Variants in PACSIN2 observed in about 807,000 individuals in gnomAD.
The protein encoded by PACSIN2 is protein kinase C and casein kinase substrate in neurons protein 2.
In PACSIN2, 25 loss-of-function variants were observed where a neutral mutation model predicts 63.8. The observed-to-expected ratio is 0.39, with a 90% confidence interval of 0.29 to 0.55. The LOEUF (loss-of-function observed/expected upper bound fraction) is 0.55. Among genes scored for constraint, PACSIN2 ranks in the 20% least tolerant of loss-of-function variants. The pLI is 0.62. For missense variants in PACSIN2, 518 were observed against 646.9 expected, an observed-to-expected ratio of 0.80 and a Z score of 2.16; for synonymous variants, 255 against 256.2, an observed-to-expected ratio of 1.00 and a Z score of 0.05.
intron 3 of PACSIN2, among the ~76,000 whole-genome samples, chr22:42,891,520 C>G (rs549124557): frequency 3.9e-5 from 6 of 152,164 alleles, no homozygotes; most frequent in Non-Finnish European, 8.8e-5. Context: ...CCTGCCTCAG[C>G]CTCCCGAGTA....
intron 1 of PACSIN2, among the ~76,000 whole-genome samples, chr22:42,979,546 G>GAAAGA (rs998223003): frequency 2.2e-5 from 3 of 135,090 alleles, no homozygotes; most frequent in Non-Finnish European, 4.7e-5. Context: ...AAAAAAAAAG[G>GAAAGA]AAAGAAAAGA....
In PACSIN2 at chr22:42,912,046, TCTACTC is replaced by T; in HGVS notation, c.29_34del (p.Gly10_Val11del). 1 of 1,605,836 alleles carries T rather than the reference TCTACTC, an allele frequency of 6.2e-7. No homozygotes were observed. Among genetic ancestry groups the T allele is most frequent in the African/African-American group, 1.3e-5 (1 of 74,572 alleles). The stretch of plus-strand genomic sequence containing the variant: ...CTCCCAGAAGCTGTCGCTGGACACT[TCTACTC>T]CAACGGAATCATCATATGTGACAGA... On this transcript the variant is annotated inframe_deletion, in exon 2 of 11. Coordinates refer to ENST00000263246, the MANE Select transcript of PACSIN2 (RefSeq NM_001184970.3).
intron 1 of PACSIN2, among the ~76,000 whole-genome samples, chr22:42,928,374 G>T (rs1208999288): frequency 6.6e-6 from 1 of 152,216 alleles, no homozygotes; most frequent in African/African-American, 2.4e-5. Flanking sequence ...AAGAAAAGAA[G>T]GTGTTCACAT....
intron 1 of PACSIN2, among the ~76,000 whole-genome samples, chr22:42,943,734 A>G (rs1209773918): frequency 1.3e-5 from 2 of 152,216 alleles, no homozygotes; most frequent in African/African-American, 4.8e-5. Flanking sequence ...TAAGGAGCCA[A>G]ATAAAATCCA....
intron 1 of PACSIN2, among the ~76,000 whole-genome samples, chr22:42,951,482 C>T (rs1019629995): frequency 3.9e-5 from 6 of 152,270 alleles, no homozygotes; most frequent in South Asian, 2.1e-4. Context: ...CGGCATGGCC[C>T]GAGCTGCTGG....
chr22:42,926,920 C>T (rs1932575157), intron 1 of PACSIN2, among the ~76,000 whole-genome samples: 1 of 152,148 alleles, frequency 6.6e-6, no homozygotes, highest in African/African-American at 2.4e-5. Flanking sequence ...CTTCTGCTTA[C>T]CACACCTGGC....
intron 2 of PACSIN2, among the ~76,000 whole-genome samples, chr22:42,895,758 G>T (rs1930233412): frequency 6.6e-6 from 1 of 152,252 alleles, no homozygotes; most frequent in South Asian, 2.1e-4. Flanking sequence ...TGTGACCACT[G>T]CTGGGGACAA....
intron 1 of PACSIN2, among the ~76,000 whole-genome samples, chr22:42,967,155 G>T (rs1172973580): frequency 2.6e-5 from 4 of 152,124 alleles, no homozygotes; most frequent in Admixed American, 1.3e-4. Flanking sequence ...GGGACAGGGG[G>T]CCAGGAAGAG....
At chr22:42,937,093 G>C (rs1458592982) in intron 1 of PACSIN2, among the ~76,000 whole-genome samples, 1 of 152,206 alleles carries the variant, frequency 6.6e-6, no homozygotes, top group African/African-American at 2.4e-5. Context: ...GGAGAGAACA[G>C]ACCAAAACTC....
intron 2 of PACSIN2, among the ~76,000 whole-genome samples, chr22:42,905,236 G>C (rs1021906801): frequency 1.3e-5 from 2 of 152,216 alleles, no homozygotes; most frequent in African/African-American, 4.8e-5. Context: ...ATTCACACGG[G>C]GGGAAGACAG....
chr22:42,945,749 GCCT>G (rs1425566233), intron 1 of PACSIN2: 8 of 152,418 alleles, frequency 5.2e-5, no homozygotes, highest in African/African-American at 1.9e-4. Context: ...GGCCACCATT[GCCT>G]CCTGCCTAAT....
intron 1 of PACSIN2, among the ~76,000 whole-genome samples, chr22:42,928,310 G>A (rs905399383): frequency 1.3e-5 from 2 of 152,206 alleles, no homozygotes; most frequent in Admixed American, 1.3e-4. Flanking sequence ...TGCTGTAGGC[G>A]ATGAAATATC....
rs1196055768 is a variant in PACSIN2 at position 42,870,562 on chromosome 22, C to T, written c.*795G>A. 1 of 152,162 alleles carries T rather than the reference C, an allele frequency of 6.6e-6. No individual in the cohort carries two copies. Among genetic ancestry groups the T allele is most frequent in the Non-Finnish European group, 1.5e-5 (1 of 68,024 alleles). The allele number at this position is 152,162 out of a possible 1,614,324, so 9.4% of individuals were successfully genotyped here. On this transcript the variant is annotated 3_prime_UTR_variant, in exon 11 of 11. Coordinates refer to ENST00000263246, the MANE Select transcript of PACSIN2 (RefSeq NM_001184970.3). The stretch of plus-strand genomic sequence containing the variant: ...TGAAAAGTTAGTCTTCTTTTTAACT[C>T]TGAATCAGTGATAAAATTGTTAATT...
intron 1 of PACSIN2, among the ~76,000 whole-genome samples, chr22:42,927,713 G>A (rs1366796555): frequency 3.3e-5 from 5 of 151,774 alleles, no homozygotes; most frequent in South Asian, 2.1e-4. Context: ...TCAGCCTCCC[G>A]AGTAGCTGGG....
intron 1 of PACSIN2, among the ~76,000 whole-genome samples, chr22:43,012,307 C>CAA (rs35192048): frequency 0.025 from 1,301 of 51,778 alleles, 103 homozygotes; most frequent in Non-Finnish European, 0.035. Flanking sequence ...GACTCTCTCT[C>CAA]AAAAAAAAAA....
intron 1 of PACSIN2, among the ~76,000 whole-genome samples, chr22:42,970,079 C>A (rs904918800): frequency 6.6e-6 from 1 of 152,202 alleles, no homozygotes; most frequent in Non-Finnish European, 1.5e-5. Context: ...CCCTTCGACA[C>A]TGGCACCACA....
intron 1 of PACSIN2, among the ~76,000 whole-genome samples, chr22:43,006,278 A>C (rs1179457384): frequency 6.6e-6 from 1 of 152,184 alleles, no homozygotes; most frequent in Non-Finnish European, 1.5e-5. Context: ...TTTACAAGCC[A>C]CCGCATCTTT....
At chr22:42,916,202 A>G (rs1231669492) in intron 1 of PACSIN2, among the ~76,000 whole-genome samples, 4 of 152,192 alleles carry the variant, frequency 2.6e-5, no homozygotes, top group African/African-American at 4.8e-5. Flanking sequence ...GCCTACCTCA[A>G]TGGGAGCATT....
At position 42,888,150 on chromosome 22, in the gene PACSIN2, T is replaced by G. The variant is rs530584738; in HGVS notation, c.609+493A>C. Among the ~76,000 whole-genome samples the G allele has an allele frequency of 3.3e-5, 5 of 152,152 alleles. No homozygotes were observed. The South Asian group carries it at 1.0e-3, about 32-fold the overall frequency. On this transcript the variant is annotated intron_variant, in intron 5 of 10. Transcript: ENST00000263246. ...GATCCCACCCAGGCTCAGGCCTTCC[T>G]GAGTGGCTCCTGGTCAGCAGCATCC...
Sources: gnomAD v4.1 joint callset for allele counts (sites outside exome capture counted in the v4.1 genomes callset) on GRCh38, gnomAD v4.1.1 for gene constraint, MANE v1.5 for transcripts, NCBI Gene and HGNC (gene_info 2026-07-23, HGNC 2026-07-21) for gene names.